Variants in PSD2 observed in about 807,000 individuals in gnomAD.
The protein encoded by PSD2 is PH and SEC7 domain-containing protein 2.
In PSD2, 38 loss-of-function variants were observed where a neutral mutation model predicts 69.8. That is an observed-to-expected ratio of 0.54 (90% CI 0.42 to 0.71). The LOEUF (loss-of-function observed/expected upper bound fraction) is 0.71, where lower values mean the gene tolerates loss of function less well. Among genes scored for constraint, PSD2 ranks in the 30% least tolerant of loss-of-function variants. The probability of loss-of-function intolerance (pLI) is 0.00; values close to 1 mark genes in which losing one functional copy is unlikely to be tolerated. For missense variants in PSD2, 943 were observed against 1,014.5 expected, an observed-to-expected ratio of 0.93 and a Z score of 0.96; for synonymous variants, 412 against 423.0, an observed-to-expected ratio of 0.97 and a Z score of 0.32.
Position 139,837,024 on chromosome 5 carries a change from G to A in PSD2, c.1594+23G>A. 3 of 1,606,320 alleles carry A rather than the reference G, an allele frequency of 1.9e-6. No homozygotes were observed. The highest frequency in any genetic ancestry group is 1.7e-4 in the Middle Eastern group (1 of 5,958). On this transcript the variant is annotated intron_variant, in intron 10 of 14. Transcript: ENST00000274710. This position sits in a 1 kb window ranked among gnomAD's most constrained non-coding sequence, Gnocchi z 5.0. ...GGAGTGGGTGTCAGGCTGGGAGAGG[G>A]GCATGGGAGGGAGGCTGGCACAGAG...
chr5:139,813,694 C>G lies in PSD2; in HGVS notation c.757C>G (p.Gln253Glu). The stretch of plus-strand genomic sequence containing the variant: ...CAATGGATTCCATGAAGATGGCCCT[C>G]AGGGCCCAGGGGGGGATGAGGATGA... ...MPNGFHEDGP[Q>E]GPGGDEDDDE... Residue 253 changes from glutamine to glutamate, a missense_variant, in exon 3 of 15, where the codon CAG becomes GAG. Gln to Glu is a conservative substitution (Grantham distance 29). This residue lies in a region of PSD2 where 466 missense variants were observed against 445.0 expected (regional missense o/e 1.05). Coordinates refer to ENST00000274710, the MANE Select transcript of PSD2 (RefSeq NM_032289.4). 6.2e-7 allele frequency: 1 copy of G among 1,613,568 alleles called. No homozygotes were observed. The highest frequency in any genetic ancestry group is 8.5e-7 in the Non-Finnish European group (1 of 1,179,858).
At chr5:139,823,134 C>G (rs967367073) in intron 7 of PSD2, among the ~76,000 whole-genome samples, 2 of 152,206 alleles carry the variant, frequency 1.3e-5, no homozygotes, top group African/African-American at 2.4e-5. Context: ...GGCAGCCCCT[C>G]CCAAATCCCC....
At chr5:139,835,701 CT>C (rs1561607571) in intron 8 of PSD2, 21 bp from the exon 9 acceptor site, 1 of 1,613,242 alleles carries the variant, frequency 6.2e-7, no homozygotes, top group Non-Finnish European at 8.5e-7. Flanking sequence ...GAATTCCCCC[CT>C]CTCTCTTTTC....
chr5:139,753,131 G>C, the PSD2 span, among the ~76,000 whole-genome samples: 1 of 152,120 alleles, frequency 6.6e-6, no homozygotes, highest in Non-Finnish European at 1.5e-5. Flanking sequence ...CCAGCCATTG[G>C]GAGACCAATC....
the PSD2 span, among the ~76,000 whole-genome samples, chr5:139,778,249 T>C: frequency 1.3e-5 from 2 of 152,232 alleles, no homozygotes; most frequent in South Asian, 2.1e-4. Context: ...AAGTGGAGAA[T>C]GTCATGAAAA....
At chr5:139,798,117 C>G (rs1355776762) in intron 1 of PSD2, among the ~76,000 whole-genome samples, 1 of 152,172 alleles carries the variant, frequency 6.6e-6, no homozygotes, top group African/African-American at 2.4e-5. Flanking sequence ...TCTGAGGCTC[C>G]GTATTTAGAC....
Position 139,813,497 on chromosome 5 carries a change from G to A in PSD2, c.560G>A (p.Arg187Gln), listed in dbSNP as rs760999431. The A allele has an allele frequency of 4.3e-6, 7 of 1,613,232 alleles. No individual in the cohort carries two copies. Among genetic ancestry groups the A allele is most frequent in the Admixed American group, 1.7e-5 (1 of 59,994 alleles). Residue 187 changes from arginine (R) to glutamine (Q), a missense_variant, in exon 3 of 15, where the codon CGG becomes CAG. Transcript: ENST00000274710. ...CCCCTCACACCCCTCATCCAGCAGCGGGCCCGTGACAGCCCTGAGCCAGGG... is the reference window on the plus strand; with the variant it reads ...CCCCTCACACCCCTCATCCAGCAGCAGGCCCGTGACAGCCCTGAGCCAGGG... Reference protein sequence around the residue: ...EAPLTPLIQQRARDSPEPGAG... With the variant: ...EAPLTPLIQQQARDSPEPGAG...
At chr5:139,785,412 T>A in the PSD2 span, among the ~76,000 whole-genome samples, 3 of 151,688 alleles carry the variant, frequency 2.0e-5, no homozygotes, top group Non-Finnish European at 4.4e-5. Flanking sequence ...TTAATAGAGA[T>A]GGGGTGTCAC....
intron 14 of PSD2, among the ~76,000 whole-genome samples, chr5:139,840,427 A>C (rs1760845562): frequency 6.6e-6 from 1 of 152,164 alleles, no homozygotes; most frequent in Non-Finnish European, 1.5e-5. Flanking sequence ...TGTTTGTGCC[A>C]ATTTCTAACC....
the PSD2 span, among the ~76,000 whole-genome samples, chr5:139,753,404 C>G: frequency 7.9e-5 from 12 of 152,290 alleles, no homozygotes; most frequent in African/African-American, 2.9e-4. Flanking sequence ...CAGCTGTCCC[C>G]ATGGCCAGTG....
rs72794894 is a variant in PSD2, at chr5:139,814,893, G to A, written c.1016+529G>A. On this transcript the variant is annotated intron_variant, in intron 4 of 14. Transcript: ENST00000274710. This position sits in a 1 kb window ranked among gnomAD's most constrained non-coding sequence, Gnocchi z 4.4. ...AGATGAGGGCCCCAAAGGGGACCAG[G>A]GGACAGGCGGGATTGCAGGACCGAG... 0.037 allele frequency among the ~76,000 whole-genome samples: 5,599 copies of A among 152,252 alleles called. 126 individuals are homozygous for A. The highest frequency in any genetic ancestry group is 0.055 in the Non-Finnish European group (3,754 of 68,000).
the PSD2 span, among the ~76,000 whole-genome samples, chr5:139,779,669 A>G: frequency 5.3e-5 from 8 of 152,232 alleles, no homozygotes; most frequent in Non-Finnish European, 1.2e-4. Flanking sequence ...GAATATTTCC[A>G]TCACTCCAAA....
At chr5:139,816,653 GTCT>G (rs1465093847) in intron 4 of PSD2, among the ~76,000 whole-genome samples, 1 of 152,230 alleles carries the variant, frequency 6.6e-6, no homozygotes. Flanking sequence ...CCTCATGCCA[GTCT>G]TCTTGAAATA....
chr5:139,782,171 T>G, the PSD2 span, among the ~76,000 whole-genome samples: 1 of 151,902 alleles, frequency 6.6e-6, no homozygotes, highest in Non-Finnish European at 1.5e-5. Flanking sequence ...TGTTATCTAG[T>G]TTTTTTTGTT....
At chr5:139,813,922 G>A (rs1039083996) in intron 3 of PSD2, among the ~76,000 whole-genome samples, 164 bp downstream of exon 3, 3 of 152,218 alleles carry the variant, frequency 2.0e-5, no homozygotes, top group African/African-American at 4.8e-5. Flanking sequence ...GTGTCCTGAG[G>A]TTTCATTCTG....
At chr5:139,806,210 G>A (rs1158443549) in intron 1 of PSD2, among the ~76,000 whole-genome samples, 1 of 152,256 alleles carries the variant, frequency 6.6e-6, no homozygotes, top group Non-Finnish European at 1.5e-5. Flanking sequence ...CCTGTCATTT[G>A]CAGGCGTCTC....
intron 1 of PSD2, among the ~76,000 whole-genome samples, chr5:139,798,649 TTCTC>T (rs899601058): frequency 4.6e-5 from 7 of 151,876 alleles, no homozygotes; most frequent in East Asian, 1.9e-4. Context: ...CCACATTTGT[TTCTC>T]TCTCTCTCTC....
At position 139,821,912 on chromosome 5, in the gene PSD2, C is replaced by A. The variant is rs752437228; in HGVS notation, c.1117C>A (p.Pro373Thr). 9 of 1,608,222 alleles carry A rather than the reference C, an allele frequency of 5.6e-6. No homozygotes were observed. The highest frequency in any genetic ancestry group is 3.4e-5 in the Admixed American group (2 of 59,486). Residue 373 changes from proline to threonine, a missense_variant, in exon 6 of 15, where the codon CCG becomes ACG. Physicochemically the swap from Pro to Thr is conservative, Grantham distance 38. Around this residue, in one of 3 missense-constraint regions of PSD2, gnomAD observed 312 missense variants for 400.7 expected, o/e 0.78. Coordinates refer to ENST00000274710, the MANE Select transcript of PSD2 (RefSeq NM_032289.4). ...TTCCAGAACATTCTTGAAGGCCTTC[C>A]CGCTGATGGGGGAGACACAAGAGCG... ...GALRTFLKAF[P>T]LMGETQERER...
Position 139,842,333 on chromosome 5 carries a change from T to C in PSD2, c.2175T>C (p.Asp725=), listed in dbSNP as rs1464518824. 1.2e-6 allele frequency: 2 copies of C among 1,614,070 alleles called. No individual in the cohort carries two copies. Among genetic ancestry groups the C allele is most frequent in the Non-Finnish European group, 1.7e-6 (2 of 1,180,054 alleles). Residue 725 remains aspartate (D), a synonymous_variant, in exon 15 of 15, where the codon GAT becomes GAC. Coordinates refer to ENST00000274710, the MANE Select transcript of PSD2 (RefSeq NM_032289.4). ...LAMKIKVGSD[D]LERIEARLAT... is the part of the protein sequence containing the mutation. ...TGAAAATCAAAGTGGGCTCAGATGA[T>C]CTGGAGCGGATTGAGGCCCGGCTGG...
Sources: allele counts gnomAD v4.1 joint callset (sites outside exome capture counted in the v4.1 genomes callset), GRCh38; gene constraint gnomAD v4.1.1; regional missense constraint gnomAD v4.1.1; non-coding constraint Gnocchi (gnomAD v3.1); transcripts MANE v1.5; gene names NCBI Gene and HGNC (gene_info 2026-07-23, HGNC 2026-07-21).